ERI3: variants seen among roughly 807,000 people sequenced by gnomAD.
ERI3 encodes ERI1 exoribonuclease 3.
ERI3 carries 18 observed loss-of-function variants against 44.4 expected under a neutral mutation model. The ratio of observed to expected loss-of-function variants is 0.41; its 90% CI spans 0.28 to 0.60. ERI3 has a LOEUF of 0.60. Ranked by LOEUF, ERI3 falls within the 20% of genes least tolerant of loss-of-function variation. The pLI is 0.36. For missense variants in ERI3, 294 were observed against 435.5 expected, an observed-to-expected ratio of 0.68 and a Z score of 2.89; for synonymous variants, 183 against 164.8, an observed-to-expected ratio of 1.11 and a Z score of -0.84.
chr1:44,272,156 T>C (rs1037073840), intron 7 of ERI3, among the ~76,000 whole-genome samples: 20 of 152,178 alleles, frequency 1.3e-4, no homozygotes, highest in Non-Finnish European at 1.9e-4. Context: ...GGATATGATT[T>C]TTCTTGTTTT....
Position 44,279,708 on chromosome 1 carries a change from T to C in ERI3, c.831+5127A>G, listed in dbSNP as rs1645248123. ...GTCAACTCATTCCAATTCACTCAGT[T>C]GCTCAAATCATAAATCCTGGGGTCA... On this transcript the variant is annotated intron_variant, in intron 7 of 8. Transcript: ENST00000372257. Among the ~76,000 whole-genome samples the C allele has an allele frequency of 2.0e-5, 3 of 152,222 alleles. No individual in the cohort carries two copies. In the South Asian group the frequency reaches 6.2e-4, roughly 31 times the overall value.
At chr1:44,236,036 CTTTG>C (rs1165276568) in intron 8 of ERI3, among the ~76,000 whole-genome samples, 8 of 152,198 alleles carry the variant, frequency 5.3e-5, no homozygotes, top group South Asian at 2.1e-4. Flanking sequence ...TATTTATCCC[CTTTG>C]TTTGTTTGTC....
intron 6 of ERI3, among the ~76,000 whole-genome samples, chr1:44,307,271 A>G (rs1209277589): frequency 7.2e-5 from 11 of 151,992 alleles, no homozygotes; most frequent in Non-Finnish European, 1.5e-5. Context: ...ACATAACTTC[A>G]CCTCAATGCC....
Position 44,342,832 on chromosome 1 carries a change from T to TATATAA in ERI3, c.212-3511_212-3510insTTATAT, listed in dbSNP as rs1553201393. On this transcript the variant is annotated intron_variant, in intron 2 of 8. Transcript: ENST00000372257. The stretch of plus-strand genomic sequence containing the variant: ...CAGCTAATATATATATATATATATA[T>TATATAA]ATATATATATATATATATATATATA... Among the ~76,000 whole-genome samples, 99 of 24,228 alleles carry TATATAA rather than the reference T, an allele frequency of 4.1e-3. 1 individual carries two copies. Among genetic ancestry groups the TATATAA allele is most frequent in the African/African-American group, 0.019 (97 of 5,200 alleles). 15.9% of individuals were successfully genotyped at this position (24,228 alleles called of 152,430 possible).
At chr1:44,267,465 A>T (rs1362117299) in intron 7 of ERI3, among the ~76,000 whole-genome samples, 4 of 152,146 alleles carry the variant, frequency 2.6e-5, no homozygotes, top group Non-Finnish European at 5.9e-5. Context: ...AAAATAAAAC[A>T]CAAACACCCA....
At chr1:44,278,627 C>A (rs560166289) in intron 7 of ERI3, among the ~76,000 whole-genome samples, 31 of 152,234 alleles carry the variant, frequency 2.0e-4, no homozygotes, top group African/African-American at 7.0e-4. Flanking sequence ...GATGGAGTCT[C>A]GCTCCGTTGC....
chr1:44,310,951 T>TCGTGCGCG (rs1553195163), intron 5 of ERI3, among the ~76,000 whole-genome samples: 59 of 95,024 alleles, frequency 6.2e-4, no homozygotes, highest in African/African-American at 2.1e-3. Flanking sequence ...TATGTGCACA[T>TCGTGCGCG]CGCGCGCGCG....
intron 8 of ERI3, among the ~76,000 whole-genome samples, chr1:44,225,487 CTCT>C (rs1221675983): frequency 6.6e-6 from 1 of 152,156 alleles, no homozygotes; most frequent in Non-Finnish European, 1.5e-5. Flanking sequence ...TGACCCTCTC[CTCT>C]TCTTTTTTGG....
At chr1:44,331,598 G>A (rs1192255126) in intron 3 of ERI3, among the ~76,000 whole-genome samples, 1 of 152,212 alleles carries the variant, frequency 6.6e-6, no homozygotes, top group African/African-American at 2.4e-5. Flanking sequence ...TAGCTCGAAT[G>A]TGAGAAACAG....
chr1:44,322,239 A>G (rs1405864889), intron 3 of ERI3, among the ~76,000 whole-genome samples: 1 of 152,200 alleles, frequency 6.6e-6, no homozygotes, highest in Non-Finnish European at 1.5e-5. Context: ...TCCGCATTGC[A>G]GCAAATAACA....
intron 8 of ERI3, among the ~76,000 whole-genome samples, chr1:44,226,537 G>C (rs1644042244): frequency 6.6e-6 from 1 of 152,060 alleles, no homozygotes; most frequent in South Asian, 2.1e-4. Flanking sequence ...TTGATGATGT[G>C]GGGGAAGTGG....
chr1:44,241,620 G>A lies in ERI3; in HGVS notation c.931+6319C>T, dbSNP rs1409448458. On this transcript the variant is annotated intron_variant, in intron 8 of 8. Transcript: ENST00000372257. The surrounding 1 kb of genome is among the most constrained non-coding windows in gnomAD (Gnocchi z 5.6). ...CAGGGGTCAGGGCGCTGACATCCCC[G>A]CAGAGTCTATCTGCAAGTGCTAATT... Among the ~76,000 whole-genome samples, 1 of 152,050 alleles carries A rather than the reference G, an allele frequency of 6.6e-6. No individual in the cohort carries two copies. Among genetic ancestry groups the A allele is most frequent in the South Asian group, 2.1e-4 (1 of 4,822 alleles).
intron 4 of ERI3, among the ~76,000 whole-genome samples, chr1:44,314,158 G>C (rs542428775): frequency 6.6e-6 from 1 of 151,760 alleles, no homozygotes; most frequent in African/African-American, 2.4e-5. Flanking sequence ...TGTGTTGGGG[G>C]GGGGGAGATT....
chr1:44,222,116 G>A (rs889856692), intron 8 of ERI3, among the ~76,000 whole-genome samples: 11 of 152,196 alleles, frequency 7.2e-5, no homozygotes, highest in Non-Finnish European at 1.5e-4. Context: ...TGACTTTGCC[G>A]GCACTTTCGT....
At chr1:44,303,077 A>G (rs1016298077) in intron 6 of ERI3, among the ~76,000 whole-genome samples, 1 of 152,194 alleles carries the variant, frequency 6.6e-6, no homozygotes. Context: ...TCTGATGTTC[A>G]CTTTTCCAGG....
At chr1:44,230,555 G>T (rs1472849021) in intron 8 of ERI3, 1 of 152,276 alleles carries the variant, frequency 6.6e-6, no homozygotes, top group Non-Finnish European at 1.5e-5. Flanking sequence ...TTTGCAAAAT[G>T]AGGACACTGA....
At chr1:44,323,449 T>C (rs755570819) in intron 3 of ERI3, among the ~76,000 whole-genome samples, 3 of 152,234 alleles carry the variant, frequency 2.0e-5, no homozygotes, top group Non-Finnish European at 4.4e-5. Flanking sequence ...ACAGGTTACA[T>C]CATCATCACC....
intron 6 of ERI3, among the ~76,000 whole-genome samples, chr1:44,295,015 G>C (rs1308701313): frequency 6.6e-6 from 1 of 152,160 alleles, no homozygotes; most frequent in African/African-American, 2.4e-5. Context: ...CCTTCTAGCT[G>C]GTCTCCTCTG....
chr1:44,322,814 T>A, intron 3 of ERI3: 1 of 1,550,056 alleles, frequency 6.5e-7, no homozygotes. Flanking sequence ...GGTGCCCCAA[T>A]CTGCACCAAG....
Sources: allele counts gnomAD v4.1 joint callset (sites outside exome capture counted in the v4.1 genomes callset), GRCh38; gene constraint gnomAD v4.1.1; non-coding constraint Gnocchi (gnomAD v3.1); transcripts MANE v1.5; gene names NCBI Gene and HGNC (gene_info 2026-07-23, HGNC 2026-07-21).